SCEL: variants seen among roughly 807,000 people sequenced by gnomAD.
The protein encoded by SCEL is sciellin.
A neutral mutation model predicts 117.6 loss-of-function variants in SCEL; 113 were observed. The observed-to-expected ratio is 0.96, with a 90% CI of 0.83 to 1.12. The LOEUF (loss-of-function observed/expected upper bound fraction) is 1.12. Among genes scored for constraint, SCEL ranks in the 50% most tolerant of loss-of-function variants. The pLI, the probability that SCEL is intolerant of heterozygous loss-of-function variation, is 0.00. For missense variants in SCEL, 785 were observed against 810.8 expected (o/e 0.97, Z 0.39); for synonymous variants, 270 against 256.2 (o/e 1.05, Z -0.51).
intron 1 of SCEL, among the ~76,000 whole-genome samples, chr13:77,539,724 T>C (rs769673680): frequency 2.0e-5 from 3 of 152,090 alleles, no homozygotes; most frequent in Non-Finnish European, 4.4e-5. Flanking sequence ...TTAGTAGAGA[T>C]GAGGTTTCAC....
intron 5 of SCEL, among the ~76,000 whole-genome samples, chr13:77,564,693 T>C (rs889937372): frequency 6.6e-6 from 1 of 152,246 alleles, no homozygotes; most frequent in African/African-American, 2.4e-5. Context: ...AAAGATGTGC[T>C]GCAATTGCAG....
At chr13:77,592,333 A>G (rs1594050545) in intron 11 of SCEL, among the ~76,000 whole-genome samples, 1 of 152,244 alleles carries the variant, frequency 6.6e-6, no homozygotes, top group East Asian at 1.9e-4. Context: ...ATGTCAATGC[A>G]TGTTCTGCAA....
intron 3 of SCEL, 118 bp downstream of exon 3, chr13:77,556,831 G>A (rs1320217394): frequency 4.1e-6 from 3 of 737,752 alleles, no homozygotes; most frequent in Admixed American, 2.3e-5. Flanking sequence ...TTTGTTGCAT[G>A]GTCTAATTTT....
In SCEL at chr13:77,591,428, A is replaced by G; in HGVS notation, c.660A>G (p.Thr220=). 1 of 1,586,752 alleles carries G rather than the reference A, an allele frequency of 6.3e-7. No homozygotes were observed. Among genetic ancestry groups the G allele is most frequent in the Admixed American group, 1.7e-5 (1 of 59,638 alleles). Residue 220 remains threonine (T), a synonymous_variant, in exon 11 of 33, where the codon ACA becomes ACG. Transcript: ENST00000349847. Reference sequence around the variant, plus strand: ...ATCCACCTAAACCAGGTGTATATACAGAAACCAACAGATCTGCTGAAAGAA... The same window carrying G: ...ATCCACCTAAACCAGGTGTATATACGGAAACCAACAGATCTGCTGAAAGAA... ...QIHPPKPGVY[T]ETNRSAERNI...
chr13:77,558,539 C>A (rs751715595), intron 3 of SCEL, among the ~76,000 whole-genome samples: 2 of 152,142 alleles, frequency 1.3e-5, no homozygotes, highest in African/African-American at 2.4e-5. Context: ...GGAGGCCGGG[C>A]GTGGTGGATC....
In SCEL at chr13:77,613,891, A is replaced by C; in HGVS notation, c.1389-2A>C. On this transcript the variant is annotated splice_acceptor_variant, in intron 23 of 32. Transcript: ENST00000349847. LOFTEE classifies it high-confidence loss of function. ...TGCCGATTTCCTCTAATTTTGTTTT[A>C]GCAGTGAACAAGGTCTTGATGAACA... 1 of 1,612,894 alleles carries C rather than the reference A, an allele frequency of 6.2e-7. No individual in the cohort carries two copies. Among genetic ancestry groups the C allele is most frequent in the Non-Finnish European group, 8.5e-7 (1 of 1,179,196 alleles).
At chr13:77,628,828 ATAGTTTCTTT>A (rs2089897125) in intron 28 of SCEL, among the ~76,000 whole-genome samples, 1 of 152,114 alleles carries the variant, frequency 6.6e-6, no homozygotes, top group African/African-American at 2.4e-5. Context: ...CGACAGGTAG[ATAGTTTCTTT>A]CCATTCCTTT....
intron 1 of SCEL, among the ~76,000 whole-genome samples, chr13:77,547,516 C>T (rs2084059075): frequency 6.6e-6 from 1 of 152,138 alleles, no homozygotes; most frequent in Admixed American, 6.5e-5. Context: ...TAACTCAGTG[C>T]CACTGCCCTC....
At chr13:77,589,052 T>A in intron 9 of SCEL, 92 bp from the exon 10 acceptor site, 2 of 918,436 alleles carry the variant, frequency 2.2e-6, no homozygotes, top group Non-Finnish European at 3.5e-6. Flanking sequence ...GCAAAGGATA[T>A]TTTTATGTAG....
chr13:77,637,327 TACATATATAA>T (rs2090337532), intron 30 of SCEL, 133 bp downstream of exon 30: 1 of 176,626 alleles, frequency 5.7e-6, no homozygotes, highest in Non-Finnish European at 1.1e-5. Context: ...TAAATATATA[TACATATATAA>T]ACATATATAC....
At chr13:77,641,125 A>C (rs1012810767) in intron 31 of SCEL, among the ~76,000 whole-genome samples, 3 of 152,228 alleles carry the variant, frequency 2.0e-5, no homozygotes, top group Non-Finnish European at 4.4e-5. Flanking sequence ...TGATGAAATC[A>C]AAACAAGAAA....
At chr13:77,546,771 AG>A (rs2084013046) in intron 1 of SCEL, among the ~76,000 whole-genome samples, 1 of 152,106 alleles carries the variant, frequency 6.6e-6, no homozygotes, top group African/African-American at 2.4e-5. Flanking sequence ...TAGATAATAC[AG>A]GGCTATTGTG....
intron 21 of SCEL, among the ~76,000 whole-genome samples, chr13:77,609,457 G>A (rs957195426): frequency 6.6e-6 from 1 of 152,210 alleles, no homozygotes; most frequent in Admixed American, 6.5e-5. Context: ...GTCTAGGCCT[G>A]TCTCTGCTCC....
intron 11 of SCEL, among the ~76,000 whole-genome samples, chr13:77,593,301 T>C (rs1261315601): frequency 1.8e-4 from 17 of 95,818 alleles, no homozygotes; most frequent in African/African-American, 4.0e-4. Context: ...TGTGTGTCTG[T>C]GTGTGTGTGT....
intron 15 of SCEL, among the ~76,000 whole-genome samples, chr13:77,600,818 TCATGAAATTTGCCTTTCTAA>T (rs1365811002): frequency 6.6e-6 from 1 of 152,256 alleles, no homozygotes; most frequent in African/African-American, 2.4e-5. Context: ...ATTTGGTTAG[TCATGAAATTTGCCTTTCTAA>T]CATGAGAATT....
intron 11 of SCEL, among the ~76,000 whole-genome samples, chr13:77,593,300 G>GTGTGTGTGTC (rs1555510803): frequency 1.4e-5 from 2 of 145,146 alleles, no homozygotes; most frequent in Non-Finnish European, 3.0e-5. Flanking sequence ...GTGTGTGTCT[G>GTGTGTGTGTC]TGTGTGTGTG....
intron 7 of SCEL, among the ~76,000 whole-genome samples, chr13:77,569,117 C>A (rs904903848): frequency 6.6e-6 from 1 of 152,170 alleles, no homozygotes; most frequent in African/African-American, 2.4e-5. Flanking sequence ...TCTGAATTTC[C>A]GACAGTTAAT....
intron 24 of SCEL, among the ~76,000 whole-genome samples, chr13:77,615,255 T>C (rs920379862): frequency 1.3e-5 from 2 of 152,056 alleles, no homozygotes; most frequent in Admixed American, 6.6e-5. Context: ...ATGAGAATAC[T>C]GAGACCAGGG....
chr13:77,545,506 A>T (rs1246831485), intron 1 of SCEL, among the ~76,000 whole-genome samples: 4 of 152,268 alleles, frequency 2.6e-5, no homozygotes, highest in Middle Eastern at 3.2e-3. Flanking sequence ...TATATTGTTG[A>T]ACTATTTCTA....
Sources: allele counts gnomAD v4.1 joint callset (sites outside exome capture counted in the v4.1 genomes callset), GRCh38; gene constraint gnomAD v4.1.1; transcripts MANE v1.5; gene names NCBI Gene and HGNC (gene_info 2026-07-23, HGNC 2026-07-21).